The following C6 variants were observed in gnomAD, a reference collection of about 807,000 sequenced individuals.
The protein encoded by C6 is complement component C6.
C6 carries 101 observed loss-of-function variants against 112.9 expected under a neutral mutation model. The ratio of observed to expected loss-of-function variants is 0.89; its 90% CI spans 0.76 to 1.06. The LOEUF (loss-of-function observed/expected upper bound fraction) is 1.06, where lower values mean the gene tolerates loss of function less well. Among genes scored for constraint, C6 ranks in the 50% least tolerant of loss-of-function variants. The pLI is 0.00. For synonymous variants in C6, 431 were observed against 384.1 expected, an observed-to-expected ratio of 1.12 and a Z score of -1.43; for missense variants, 1,202 against 1,104.6, an observed-to-expected ratio of 1.09 and a Z score of -1.25.
intron 1 of C6, among the ~76,000 whole-genome samples, chr5:41,211,491 C>T (rs1254325063): frequency 3.9e-5 from 6 of 152,076 alleles, no homozygotes; most frequent in Admixed American, 2.6e-4. Flanking sequence ...CACAGAACCA[C>T]AGGGTATTGG....
At chr5:41,147,658 T>C (rs1745960121) in intron 17 of C6, among the ~76,000 whole-genome samples, 1 of 152,236 alleles carries the variant, frequency 6.6e-6, no homozygotes, top group Non-Finnish European at 1.5e-5. Context: ...AAAGATTCCT[T>C]TGCATACTTT....
upstream of C6, among the ~76,000 whole-genome samples, chr5:41,214,621 C>T (rs1752130018): frequency 1.3e-5 from 2 of 152,054 alleles, no homozygotes; most frequent in Admixed American, 6.6e-5. Flanking sequence ...AGCAGCTTCA[C>T]CCTTGATTAC....
At chr5:41,252,436 A>G (rs1318467180) in intron 1 of C6, among the ~76,000 whole-genome samples, 1 of 152,162 alleles carries the variant, frequency 6.6e-6, no homozygotes, top group African/African-American at 2.4e-5. Flanking sequence ...ACTAACATTA[A>G]AATAGAGACC....
At chr5:41,225,040 T>A (rs993458204) in intron 1 of C6, among the ~76,000 whole-genome samples, 4 of 152,210 alleles carry the variant, frequency 2.6e-5, no homozygotes, top group Admixed American at 1.3e-4. Flanking sequence ...TGTCTTCCTT[T>A]GAGAAATGTC....
intron 4 of C6, among the ~76,000 whole-genome samples, chr5:41,198,089 G>A (rs529479109): frequency 6.6e-6 from 1 of 152,064 alleles, no homozygotes; most frequent in East Asian, 1.9e-4. Flanking sequence ...AAGAAGAGTT[G>A]GTATATTGCA....
intron 13 of C6, among the ~76,000 whole-genome samples, chr5:41,155,691 T>C (rs557980372): frequency 6.6e-6 from 1 of 151,980 alleles, no homozygotes; most frequent in African/African-American, 2.4e-5. Context: ...ATTGTTCCAT[T>C]GTACTTCAGC....
At chr5:41,156,534 T>C (rs1188272257) in intron 13 of C6, among the ~76,000 whole-genome samples, 1 of 152,166 alleles carries the variant, frequency 6.6e-6, no homozygotes, top group East Asian at 1.9e-4. Flanking sequence ...CAATTTTCCT[T>C]TACTGAGAGG....
At chr5:41,153,725 AG>A (rs1277530474) in intron 15 of C6, 84 bp downstream of exon 15, 3 of 1,065,096 alleles carry the variant, frequency 2.8e-6, no homozygotes, top group Non-Finnish European at 4.4e-6. Flanking sequence ...TCAGTGCTTA[AG>A]AAATATAATG....
intron 1 of C6, among the ~76,000 whole-genome samples, chr5:41,209,850 GA>G (rs1302292189): frequency 6.6e-6 from 1 of 152,208 alleles, no homozygotes. Context: ...TTTCTTCACA[GA>G]ATTGGTAAAA....
chr5:41,188,706 G>A (rs927158358), intron 5 of C6, among the ~76,000 whole-genome samples: 34 of 151,916 alleles, frequency 2.2e-4, no homozygotes, highest in Admixed American at 5.9e-4. Context: ...GTGAACTCCA[G>A]TAAGACAAAG....
chr5:41,250,582 G>T (rs114749157), intron 1 of C6, among the ~76,000 whole-genome samples: 5,671 of 152,310 alleles, frequency 0.037, 120 homozygotes, highest in Middle Eastern at 0.065. Flanking sequence ...TCCTGGCAGA[G>T]TTTGATTTGG....
At chr5:41,145,363 G>C (rs567212150) in intron 17 of C6, among the ~76,000 whole-genome samples, 9 of 152,138 alleles carry the variant, frequency 5.9e-5, no homozygotes, top group South Asian at 2.1e-4. Context: ...TGGCTCATCT[G>C]TCCTATCAAC....
intron 5 of C6, 50 bp downstream of exon 5, chr5:41,195,742 A>T: frequency 6.3e-7 from 1 of 1,594,790 alleles, no homozygotes; most frequent in Non-Finnish European, 8.6e-7. Context: ...CCTCTGACTC[A>T]TTTGTTCTGA....
chr5:41,194,982 C>G (rs1580162847), intron 5 of C6, among the ~76,000 whole-genome samples: 1 of 152,250 alleles, frequency 6.6e-6, no homozygotes, highest in South Asian at 2.1e-4. Flanking sequence ...TGGAAAAAGC[C>G]TGGGTTTTGA....
intron 1 of C6, among the ~76,000 whole-genome samples, chr5:41,252,663 G>A (rs1287215951): frequency 6.6e-6 from 1 of 152,102 alleles, no homozygotes; most frequent in East Asian, 1.9e-4. Context: ...CCCTTTCCAG[G>A]TCTTTTCCTG....
intron 1 of C6, among the ~76,000 whole-genome samples, chr5:41,211,198 G>C (rs1236250967): frequency 6.6e-6 from 1 of 152,102 alleles, no homozygotes; most frequent in African/African-American, 2.4e-5. Flanking sequence ...GAGAACACTT[G>C]GACACAGGGT....
At chr5:41,237,029 A>G (rs886624576) in intron 1 of C6, among the ~76,000 whole-genome samples, 5 of 150,902 alleles carry the variant, frequency 3.3e-5, no homozygotes, top group Non-Finnish European at 7.4e-5. Flanking sequence ...TAAACCAGGA[A>G]GAAGTTGAAT....
At chr5:41,255,007 A>G (rs1010368299) in intron 1 of C6, among the ~76,000 whole-genome samples, 3 of 152,246 alleles carry the variant, frequency 2.0e-5, no homozygotes, top group Non-Finnish European at 4.4e-5. Flanking sequence ...CTGGTCATCC[A>G]CATCAACTTC....
Position 41,161,671 on chromosome 5 carries a change from C to T in C6, c.1458+22G>A, listed in dbSNP as rs772843124. On this transcript the variant is annotated intron_variant, in intron 10 of 17. Coordinates refer to ENST00000337836, the MANE Select transcript of C6 (RefSeq NM_000065.5). The stretch of plus-strand genomic sequence containing the variant: ...TAGAGAACTACTTTAGATCTCTTAC[C>T]TGGAATAATTTTTACTCTTACCTCA... 8.7e-6 allele frequency: 14 copies of T among 1,604,902 alleles called. No individual in the cohort carries two copies. The Admixed American group carries it at 1.3e-4, about 15-fold the overall frequency.
Sources: gnomAD v4.1 joint callset for allele counts (sites outside exome capture counted in the v4.1 genomes callset) on GRCh38, gnomAD v4.1.1 for gene constraint, MANE v1.5 for transcripts, NCBI Gene and HGNC (gene_info 2026-07-23, HGNC 2026-07-21) for gene names.